The following CNBD1 variants were observed in gnomAD, a reference collection of about 807,000 sequenced individuals.
The protein encoded by CNBD1 is cyclic nucleotide binding domain containing 1, also known as cyclic nucleotide-binding domain-containing protein 1.
Under a neutral mutation model 54.4 loss-of-function variants are expected in CNBD1, and 71 were observed. That is an observed-to-expected ratio of 1.30 (90% CI 1.08 to 1.59). The LOEUF is 1.59. CNBD1 is among the 40% of genes most tolerant of loss of function. The pLI is 0.00. For missense variants in CNBD1, 659 were observed against 518.0 expected, an observed-to-expected ratio of 1.27 and a Z score of -2.64; for synonymous variants, 182 against 170.7, an observed-to-expected ratio of 1.07 and a Z score of -0.51.
chr8:86,919,658 C>T (rs1809240790), intron 3 of CNBD1, among the ~76,000 whole-genome samples: 1 of 152,108 alleles, frequency 6.6e-6, no homozygotes, highest in African/African-American at 2.4e-5. Flanking sequence ...ACTGAGACAG[C>T]CTCAGGCTAG....
chr8:86,953,563 C>T (rs1176347184), intron 4 of CNBD1, among the ~76,000 whole-genome samples: 9 of 152,108 alleles, frequency 5.9e-5, no homozygotes, highest in Non-Finnish European at 1.5e-5. Context: ...CAAACACCAC[C>T]TTACTCCAAC....
rs147245631 is a variant in CNBD1, at chr8:86,902,015, C to T, written c.159-3066C>T. 2.7e-3 allele frequency among the ~76,000 whole-genome samples: 404 copies of T among 152,266 alleles called. 3 individuals are homozygous for T. The highest frequency in any genetic ancestry group is 9.4e-3 in the African/African-American group (390 of 41,564). On this transcript the variant is annotated intron_variant, in intron 2 of 10. Coordinates refer to ENST00000518476, the MANE Select transcript of CNBD1 (RefSeq NM_173538.3). Reference sequence around the variant, plus strand: ...TGGAATGTGTTCACTCATTTTTCTACTTTATATAAGCGTAGGCAGGTAATT... The same window carrying T: ...TGGAATGTGTTCACTCATTTTTCTATTTTATATAAGCGTAGGCAGGTAATT...
intron 8 of CNBD1, among the ~76,000 whole-genome samples, chr8:87,311,814 C>A (rs572899848): frequency 4.6e-5 from 7 of 151,930 alleles, no homozygotes; most frequent in South Asian, 4.2e-4. Context: ...ATGCAGCTGG[C>A]GGTCATTAAC....
intron 4 of CNBD1, among the ~76,000 whole-genome samples, chr8:87,190,926 TTTAG>T (rs1813596720): frequency 6.8e-6 from 1 of 146,072 alleles, no homozygotes; most frequent in Non-Finnish European, 1.5e-5. Context: ...TCTATATCTA[TTTAG>T]ATATAGATAT....
At chr8:87,007,539 C>T (rs1000795501) in intron 4 of CNBD1, among the ~76,000 whole-genome samples, 8 of 151,808 alleles carry the variant, frequency 5.3e-5, no homozygotes, top group African/African-American at 1.9e-4. Context: ...TATTTTTTTT[C>T]CCACTAAGAT....
intron 4 of CNBD1, among the ~76,000 whole-genome samples, chr8:87,147,510 T>G (rs962876842): frequency 7.2e-5 from 11 of 152,090 alleles, no homozygotes; most frequent in Non-Finnish European, 1.5e-4. Context: ...TCCAAGAATT[T>G]AAAATATATA....
At chr8:87,321,444 T>A (rs942944005) in intron 8 of CNBD1, among the ~76,000 whole-genome samples, 14 of 152,190 alleles carry the variant, frequency 9.2e-5, no homozygotes, top group Non-Finnish European at 8.8e-5. Flanking sequence ...GTGTAATAAT[T>A]AGTGATACTG....
At chr8:87,147,573 CCTT>C (rs1812515902) in intron 4 of CNBD1, among the ~76,000 whole-genome samples, 1 of 152,086 alleles carries the variant, frequency 6.6e-6, no homozygotes, top group South Asian at 2.1e-4. Flanking sequence ...TTAACTTAAA[CCTT>C]CTTGAAATAA....
chr8:87,264,528 TGG>T (rs1244911147), intron 6 of CNBD1, among the ~76,000 whole-genome samples: 1 of 151,936 alleles, frequency 6.6e-6, no homozygotes, highest in African/African-American at 2.4e-5. Flanking sequence ...ATGGGATGGC[TGG>T]GTCAAATAGT....
intron 2 of CNBD1, among the ~76,000 whole-genome samples, chr8:87,398,899 G>C (rs1267985660): frequency 6.6e-6 from 1 of 151,914 alleles, no homozygotes; most frequent in African/African-American, 2.4e-5. Context: ...ACCACTATCA[G>C]ACCCACCTAT....
intron 6 of CNBD1, among the ~76,000 whole-genome samples, chr8:87,275,372 G>A (rs937177993): frequency 6.6e-5 from 10 of 151,596 alleles, no homozygotes; most frequent in Admixed American, 4.6e-4. Flanking sequence ...GGGCAGTATG[G>A]CCATTTTCAC....
chr8:87,001,327 G>GT (rs1267303988), intron 4 of CNBD1, among the ~76,000 whole-genome samples: 1 of 151,940 alleles, frequency 6.6e-6, no homozygotes, highest in Non-Finnish European at 1.5e-5. Context: ...CTCTTCTCCA[G>GT]TTTTTTGTGT....
intron 6 of CNBD1, among the ~76,000 whole-genome samples, chr8:87,267,390 T>C (rs1380839008): frequency 1.3e-5 from 2 of 152,160 alleles, no homozygotes; most frequent in Non-Finnish European, 2.9e-5. Flanking sequence ...TATATAATGA[T>C]GGAGAAATTG....
At chr8:87,129,999 C>A (rs974305958) in intron 4 of CNBD1, among the ~76,000 whole-genome samples, 9 of 152,046 alleles carry the variant, frequency 5.9e-5, no homozygotes, top group African/African-American at 2.2e-4. Context: ...AGAGAGAGAA[C>A]TTGTGCAGGG....
chr8:87,296,154 A>C (rs1808872221), intron 8 of CNBD1, among the ~76,000 whole-genome samples: 1 of 152,196 alleles, frequency 6.6e-6, no homozygotes, highest in African/African-American at 2.4e-5. Context: ...AACCTAAAAC[A>C]ATATTTTTAA....
chr8:86,920,762 G>C (rs1470919370), intron 3 of CNBD1, among the ~76,000 whole-genome samples: 1 of 152,132 alleles, frequency 6.6e-6, no homozygotes, highest in Non-Finnish European at 1.5e-5. Flanking sequence ...AAAGAGGCTA[G>C]GACATCCCAA....
chr8:87,384,208 T>C (rs1239671947), downstream of CNBD1, among the ~76,000 whole-genome samples: 6 of 152,118 alleles, frequency 3.9e-5, no homozygotes, highest in East Asian at 1.2e-3. Context: ...TAAATTTGGC[T>C]ATTTTATCTG....
At chr8:87,271,797 T>A (rs1262443584) in intron 6 of CNBD1, among the ~76,000 whole-genome samples, 2 of 149,546 alleles carry the variant, frequency 1.3e-5, no homozygotes, top group Non-Finnish European at 2.9e-5. Flanking sequence ...CAAAGGGATA[T>A]CCACACTCCT....
At chr8:87,032,921 T>C (rs1025360386) in intron 4 of CNBD1, among the ~76,000 whole-genome samples, 2 of 152,228 alleles carry the variant, frequency 1.3e-5, no homozygotes, top group African/African-American at 2.4e-5. Flanking sequence ...GTGTGGTGTC[T>C]ACTAGCTCTT....
Sources: gnomAD v4.1 joint callset for allele counts (sites outside exome capture counted in the v4.1 genomes callset) on GRCh38, gnomAD v4.1.1 for gene constraint, MANE v1.5 for transcripts, NCBI Gene and HGNC (gene_info 2026-07-23, HGNC 2026-07-21) for gene names.